Variants in MMP26 observed in about 807,000 individuals in gnomAD.
The protein encoded by MMP26 is matrix metalloproteinase-26.
MMP26 carries 33 observed loss-of-function variants against 31.0 expected under a neutral mutation model. The ratio of observed to expected loss-of-function variants is 1.06; its 90% confidence interval spans 0.81 to 1.42. The LOEUF (loss-of-function observed/expected upper bound fraction) is 1.42, where lower values mean the gene tolerates loss of function less well. MMP26 is among the 40% of genes most tolerant of loss of function. The pLI is 0.00. For synonymous variants in MMP26, 122 were observed against 114.9 expected (o/e 1.06, Z -0.40); for missense variants, 347 against 316.1 (o/e 1.10, Z -0.74).
chr11:4,776,570 C>G (rs190666942), intron 2 of MMP26, among the ~76,000 whole-genome samples: 211 of 152,168 alleles, frequency 1.4e-3, no homozygotes, highest in African/African-American at 5.0e-3. Flanking sequence ...GTGCCCCCTA[C>G]CTAAATCTCA....
At chr11:4,992,191 G>T (rs981269491) in intron 7 of MMP26, 23 bp from the exon 8 acceptor site, 75 of 1,493,984 alleles carry the variant, frequency 5.0e-5, no homozygotes, top group South Asian at 8.5e-5. Flanking sequence ...ATTTACTGTT[G>T]TTTTTTTTTT....
At chr11:4,813,510 A>T (rs947836728) in intron 2 of MMP26, among the ~76,000 whole-genome samples, 3 of 152,260 alleles carry the variant, frequency 2.0e-5, no homozygotes, top group Admixed American at 1.3e-4. Context: ...TACAGGCAGG[A>T]GCCACCACAC....
At chr11:4,936,963 ACTTGAAGAAATAATTTAACTCTTCT>A (rs1174853841) in intron 2 of MMP26, among the ~76,000 whole-genome samples, 11 of 152,186 alleles carry the variant, frequency 7.2e-5, no homozygotes, top group Admixed American at 5.9e-4. Flanking sequence ...CATCAACAAA[ACTTGAAGAAATAATTTAACTCTTCT>A]CTTACTAGGC....
intron 2 of MMP26, among the ~76,000 whole-genome samples, chr11:4,798,099 A>G (rs1165985421): frequency 6.6e-6 from 1 of 152,250 alleles, no homozygotes; most frequent in Admixed American, 6.5e-5. Context: ...TCCCAAAACT[A>G]GAGAATTTCA....
chr11:4,778,399 C>T (rs182219126), intron 2 of MMP26, among the ~76,000 whole-genome samples: 4 of 152,062 alleles, frequency 2.6e-5, no homozygotes, highest in East Asian at 3.9e-4. Flanking sequence ...TAAACATTCT[C>T]TTGTTATTGC....
chr11:4,756,530 A>G (rs1187484552), intron 1 of MMP26: 3 of 152,076 alleles, frequency 2.0e-5, no homozygotes, highest in African/African-American at 7.2e-5. Context: ...TGGATTTCCT[A>G]TAAAGAAATG....
chr11:4,784,737 C>T (rs907602003), intron 2 of MMP26, among the ~76,000 whole-genome samples: 2 of 152,110 alleles, frequency 1.3e-5, no homozygotes, highest in South Asian at 2.1e-4. Context: ...TTTTAAGCCA[C>T]CAAGTTTGTG....
intron 1 of MMP26, among the ~76,000 whole-genome samples, chr11:4,731,619 G>A (rs7104808): frequency 0.59 from 89,649 of 152,002 alleles, 27,254 homozygotes; most frequent in African/African-American, 0.7. Flanking sequence ...ATATGCCTAC[G>A]TATATACCTC....
At chr11:4,717,013 G>A (rs1026089741) in intron 1 of MMP26, among the ~76,000 whole-genome samples, 12 of 152,020 alleles carry the variant, frequency 7.9e-5, no homozygotes, top group African/African-American at 2.9e-4. Context: ...TCACACTTTA[G>A]TGGCATTTCT....
At chr11:4,946,206 G>A in intron 2 of MMP26, 5 of 1,613,972 alleles carry the variant, frequency 3.1e-6, no homozygotes, top group Non-Finnish European at 3.4e-6. Context: ...ACTCTAATCT[G>A]TTTAGTTTTT....
rs144551050 is a variant in MMP26 at position 4,929,251 on chromosome 11, C to T, written c.-144-58817C>T. On this transcript the variant is annotated intron_variant, in intron 2 of 7. Transcript: ENST00000380390. ...TTTATGGGAATGGTATGACTTATTCCACTGTTTGAGAACGTTATTTTATAA... is the reference window on the plus strand; with the variant it reads ...TTTATGGGAATGGTATGACTTATTCTACTGTTTGAGAACGTTATTTTATAA... 7.5e-3 allele frequency among the ~76,000 whole-genome samples: 1,139 copies of T among 151,754 alleles called. 14 individuals carry two copies. The highest frequency in any genetic ancestry group is 0.023 in the African/African-American group (946 of 41,358).
rs1386339954 is a variant in MMP26 at position 4,951,274 on chromosome 11, G to T, written c.-144-36794G>T. 2.4e-5 allele frequency among the ~76,000 whole-genome samples: 3 copies of T among 123,866 alleles called. 1 individual carries two copies. Among genetic ancestry groups the T allele is most frequent in the Non-Finnish European group, 3.7e-5 (2 of 54,578 alleles). 81.3% of individuals were successfully genotyped at this position (123,866 alleles called of 152,430 possible). ...AAATTTTCATGACTCCAGAATAAGT[G>T]CCATTAGTTCAAATGGCATATTTCT... On this transcript the variant is annotated intron_variant, in intron 2 of 7. Coordinates refer to ENST00000380390, the MANE Select transcript of MMP26 (RefSeq NM_021801.5).
chr11:4,724,940 A>G (rs1848077276), intron 1 of MMP26, among the ~76,000 whole-genome samples: 1 of 152,216 alleles, frequency 6.6e-6, no homozygotes, highest in South Asian at 2.1e-4. Flanking sequence ...ATGAATTGTA[A>G]TCCCTATTGT....
At chr11:4,890,015 A>T (rs1850596056) in intron 2 of MMP26, 1 of 162,222 alleles carries the variant, frequency 6.2e-6, no homozygotes, top group Admixed American at 6.0e-5. Context: ...GGAATGAGAG[A>T]GTAGGCTTTT....
At chr11:4,903,978 T>A (rs968653594) in intron 2 of MMP26, 1 of 152,086 alleles carries the variant, frequency 6.6e-6, no homozygotes, top group African/African-American at 2.4e-5. Flanking sequence ...ATCGGGGTGT[T>A]TTTCTAATGC....
At chr11:4,943,404 G>A in intron 2 of MMP26, 1 of 449,728 alleles carries the variant, frequency 2.2e-6, no homozygotes, top group Non-Finnish European at 4.5e-6. Context: ...TTGCCCCTAG[G>A]TGCTGTGTAG....
chr11:4,860,300 A>C (rs1458420208), intron 2 of MMP26: 1 of 471,366 alleles, frequency 2.1e-6, no homozygotes, highest in Non-Finnish European at 4.4e-6. Context: ...GGGGCATTAA[A>C]CCAGTAGATG....
At chr11:4,908,740 T>C (rs1850946042) in intron 2 of MMP26, 2 of 166,646 alleles carry the variant, frequency 1.2e-5, no homozygotes, top group Non-Finnish European at 2.6e-5. Context: ...ATTTAACAGA[T>C]AGCAAGTGAT....
intron 2 of MMP26, among the ~76,000 whole-genome samples, chr11:4,838,556 T>A (rs1849752403): frequency 6.6e-6 from 1 of 151,896 alleles, no homozygotes; most frequent in South Asian, 2.1e-4. Context: ...TGAAGACAAC[T>A]CTAATACTCA....
Sources: allele counts gnomAD v4.1 joint callset (sites outside exome capture counted in the v4.1 genomes callset), GRCh38; gene constraint gnomAD v4.1.1; transcripts MANE v1.5; gene names NCBI Gene and HGNC (gene_info 2026-07-23, HGNC 2026-07-21).